The following ATP10D variants were observed in gnomAD, a reference collection of about 807,000 sequenced individuals.
ATP10D encodes phospholipid-transporting ATPase VD.
Under a neutral mutation model 144.8 loss-of-function variants are expected in ATP10D, and 89 were observed. The observed-to-expected ratio is 0.61, with a 90% CI of 0.52 to 0.73. The LOEUF (loss-of-function observed/expected upper bound fraction) is 0.73, where lower values mean the gene tolerates loss of function less well. ATP10D is among the 30% of genes least tolerant of loss of function. The probability of loss-of-function intolerance (pLI) is 0.00; values close to 1 mark genes in which losing one functional copy is unlikely to be tolerated. For missense variants in ATP10D, 1,603 were observed against 1,714.8 expected (o/e 0.93, Z 1.15); for synonymous variants, 571 against 615.1 (o/e 0.93, Z 1.06).
At chr4:47,560,541 A>C (rs1291171646) in intron 13 of ATP10D, among the ~76,000 whole-genome samples, 1 of 152,198 alleles carries the variant, frequency 6.6e-6, no homozygotes, top group Non-Finnish European at 1.5e-5. Context: ...AAAGGTATGA[A>C]AGGTGCTGCT....
At chr4:47,522,938 A>G in intron 3 of ATP10D, 74 bp from the exon 4 acceptor site, 3 of 1,246,862 alleles carry the variant, frequency 2.4e-6, no homozygotes, top group Non-Finnish European at 3.4e-6. Context: ...ACGCTAAAAA[A>G]TTTTTTAAAA....
At chr4:47,562,428 CA>C (rs1386472834) in intron 14 of ATP10D, among the ~76,000 whole-genome samples, 1 of 152,080 alleles carries the variant, frequency 6.6e-6, no homozygotes, top group Non-Finnish European at 1.5e-5. Flanking sequence ...GGCCAACAAA[CA>C]TGAAAAAATG....
chr4:47,569,143 A>T lies in ATP10D; in HGVS notation c.3160A>T (p.Ile1054Phe), dbSNP rs1719812766. Residue 1054 changes from isoleucine (I) to phenylalanine (F), a missense_variant, in exon 16 of 23, where the codon ATT (isoleucine) becomes TTT (phenylalanine). Ile to Phe is a conservative substitution (Grantham distance 21). Coordinates refer to ENST00000273859, the MANE Select transcript of ATP10D (RefSeq NM_020453.4). Reference protein sequence around the residue: ...RSHLQVMTLAIGDGANDVSMI... With the variant: ...RSHLQVMTLAFGDGANDVSMI... Reference sequence around the variant, plus strand: ...CCATCTCCAGGTGATGACCCTTGCTATTGGTGAGTGAGGATGAATCTGAGT... The same window carrying T: ...CCATCTCCAGGTGATGACCCTTGCTTTTGGTGAGTGAGGATGAATCTGAGT... The T allele has an allele frequency of 6.2e-7, 1 of 1,611,812 alleles. No individual in the cohort carries two copies. Among genetic ancestry groups the T allele is most frequent in the African/African-American group, 1.3e-5 (1 of 74,884 alleles).
chr4:47,547,116 G>T (rs1182099632), intron 10 of ATP10D: 3 of 482,308 alleles, frequency 6.2e-6, no homozygotes, highest in Non-Finnish European at 1.1e-5. Context: ...AATATTTCTG[G>T]CCAGGGCTGA....
At chr4:47,548,329 A>G (rs1387388023) in intron 10 of ATP10D, among the ~76,000 whole-genome samples, 1 of 152,194 alleles carries the variant, frequency 6.6e-6, no homozygotes, top group Non-Finnish European at 1.5e-5. Flanking sequence ...ATCTGGTGAA[A>G]TATTTATTTC....
chr4:47,508,759 G>A (rs1443626593), intron 1 of ATP10D, among the ~76,000 whole-genome samples: 2 of 152,088 alleles, frequency 1.3e-5, no homozygotes, highest in Admixed American at 6.5e-5. Context: ...TTAAAATCTT[G>A]CTTTTATATG....
chr4:47,587,894 A>C (rs1452586854), intron 22 of ATP10D, among the ~76,000 whole-genome samples: 1 of 152,210 alleles, frequency 6.6e-6, no homozygotes, highest in Non-Finnish European at 1.5e-5. Flanking sequence ...GTGACTACTC[A>C]GCTGATCCTC....
intron 1 of ATP10D, chr4:47,491,487 G>C (rs1715080522): frequency 3.0e-6 from 2 of 660,496 alleles, no homozygotes; most frequent in Non-Finnish European, 5.5e-6. Context: ...GAAGATGGTG[G>C]TTCTGGCCAA....
chr4:47,499,189 G>A (rs539813063), intron 1 of ATP10D, among the ~76,000 whole-genome samples: 3 of 152,246 alleles, frequency 2.0e-5, no homozygotes, highest in Non-Finnish European at 2.9e-5. Context: ...CATGAGGTTC[G>A]TGCCTGATCC....
chr4:47,556,659 C>G (rs1280545151), intron 11 of ATP10D: 4 of 152,188 alleles, frequency 2.6e-5, no homozygotes, highest in Admixed American at 1.3e-4. Context: ...TTGTGTTTTA[C>G]TCTTCATTTC....
chr4:47,582,002 C>A lies in ATP10D; in HGVS notation c.3691C>A (p.Pro1231Thr), dbSNP rs1412017550. 1 of 1,614,036 alleles carries A rather than the reference C, an allele frequency of 6.2e-7. No homozygotes were observed. The highest frequency in any genetic ancestry group is 1.7e-5 in the Admixed American group (1 of 60,018). Residue 1231 changes from proline to threonine, a missense_variant, in exon 21 of 23, where the codon CCC (proline) becomes ACC (threonine). Transcript: ENST00000273859. ...SDTDIFAFGN[P>T]LNTAALFIVL... ...TACTGACATCTTTGCATTTGGAAAC[C>A]CCCTGAACACAGCCGCTCTGTTCAT...
chr4:47,533,701 TC>T (rs1717683026), intron 5 of ATP10D, among the ~76,000 whole-genome samples: 1 of 152,188 alleles, frequency 6.6e-6, no homozygotes, highest in Non-Finnish European at 1.5e-5. Flanking sequence ...AGTAATTACT[TC>T]AATAATTTTT....
chr4:47,522,182 A>G (rs954686322), intron 3 of ATP10D, among the ~76,000 whole-genome samples: 96 of 152,170 alleles, frequency 6.3e-4, no homozygotes, highest in Non-Finnish European at 1.8e-4. Context: ...CTACTATACA[A>G]ATGTCCTCAT....
At chr4:47,576,165 TC>T (rs907540579) in intron 18 of ATP10D, among the ~76,000 whole-genome samples, 13 of 151,668 alleles carry the variant, frequency 8.6e-5, no homozygotes, top group Non-Finnish European at 1.8e-4. Flanking sequence ...TCTCCTGACC[TC>T]GTGATCCACC....
chr4:47,493,883 A>G (rs1363569510), intron 1 of ATP10D, among the ~76,000 whole-genome samples: 2 of 152,196 alleles, frequency 1.3e-5, no homozygotes, highest in Non-Finnish European at 2.9e-5. Context: ...TGGAGACCAC[A>G]GGCTTGGAGT....
At chr4:47,565,111 A>C (rs1161138788) in intron 15 of ATP10D, among the ~76,000 whole-genome samples, 1 of 152,112 alleles carries the variant, frequency 6.6e-6, no homozygotes, top group Non-Finnish European at 1.5e-5. Context: ...GGCTCCCGAC[A>C]CCACGCCCGG....
chr4:47,551,459 C>T (rs539659219), intron 10 of ATP10D, among the ~76,000 whole-genome samples: 2 of 152,284 alleles, frequency 1.3e-5, no homozygotes, highest in East Asian at 3.9e-4. Context: ...TACTTGAGCC[C>T]AGTGGGAGGT....
chr4:47,591,016 T>A, intron 22 of ATP10D, 26 bp from the exon 23 acceptor site: 1 of 1,454,470 alleles, frequency 6.9e-7, no homozygotes, highest in Admixed American at 2.1e-5. Context: ...ATGAATTTAA[T>A]TCTAATGATG....
rs763091237 is a variant in ATP10D at position 47,558,023 on chromosome 4, A to C, written c.2184A>C (p.Pro728=). 2 of 1,614,186 alleles carry C rather than the reference A, an allele frequency of 1.2e-6. No homozygotes were observed. The highest frequency in any genetic ancestry group is 3.3e-5 in the Admixed American group (2 of 60,030). Residue 728 remains proline, a synonymous_variant, in exon 12 of 23, where the codon CCA becomes CCC. Coordinates refer to ENST00000273859, the MANE Select transcript of ATP10D (RefSeq NM_020453.4). ...ACCTGTGTTATGAGGCCGAGAGCCC[A>C]GACGAAGCGGCCTTAGTGTATGCCG... The part of the protein sequence containing the change: ...ACNLCYEAES[P]DEAALVYAAR...
Sources: allele counts gnomAD v4.1 joint callset (sites outside exome capture counted in the v4.1 genomes callset), GRCh38; gene constraint gnomAD v4.1.1; transcripts MANE v1.5; gene names NCBI Gene and HGNC (gene_info 2026-07-23, HGNC 2026-07-21).